SNX6: variants seen among roughly 807,000 people sequenced by gnomAD.
The protein encoded by SNX6 is sorting nexin 6.
Under a neutral mutation model 63.0 loss-of-function variants are expected in SNX6, and 34 were observed. The ratio of observed to expected loss-of-function variants is 0.54; its 90% CI spans 0.41 to 0.72. The LOEUF (loss-of-function observed/expected upper bound fraction) is 0.72, where lower values mean the gene tolerates loss of function less well. Among genes scored for constraint, SNX6 ranks in the 30% least tolerant of loss-of-function variants. The pLI, the probability that SNX6 is intolerant of heterozygous loss-of-function variation, is 0.00. For missense variants in SNX6, 398 were observed against 471.4 expected (o/e 0.84, Z 1.44); for synonymous variants, 170 against 164.2 (o/e 1.04, Z -0.27).
intron 11 of SNX6, chr14:34,568,731 G>T: frequency 1.1e-6 from 1 of 874,142 alleles, no homozygotes; most frequent in Non-Finnish European, 1.9e-6. Context: ...CAGCGATTCT[G>T]TCCAGATCTC....
chr14:34,591,798 T>G (rs1882403790), intron 8 of SNX6, among the ~76,000 whole-genome samples: 2 of 151,954 alleles, frequency 1.3e-5, no homozygotes, highest in African/African-American at 2.4e-5. Context: ...TTCCTCTAAT[T>G]TAAATAATTA....
chr14:34,603,242 T>C (rs1882893666), intron 6 of SNX6, 106 bp downstream of exon 6: 1 of 1,074,188 alleles, frequency 9.3e-7, no homozygotes. Flanking sequence ...CATGCCACTA[T>C]GCCACTGTAC....
At chr14:34,578,894 G>A (rs1339239349) in intron 10 of SNX6, among the ~76,000 whole-genome samples, 3 of 114,750 alleles carry the variant, frequency 2.6e-5, no homozygotes, top group East Asian at 3.1e-4. Context: ...AGCCAAGATC[G>A]CGCCACTGCA....
chr14:34,602,303 G>A (rs954790338), intron 6 of SNX6, among the ~76,000 whole-genome samples: 5 of 151,870 alleles, frequency 3.3e-5, no homozygotes, highest in African/African-American at 7.3e-5. Context: ...GCGCATTCCT[G>A]TAATCCCAGC....
intron 8 of SNX6, among the ~76,000 whole-genome samples, chr14:34,590,056 T>C (rs1004120706): frequency 6.6e-6 from 1 of 151,908 alleles, no homozygotes; most frequent in African/African-American, 2.4e-5. Flanking sequence ...CAGTGAGCCA[T>C]GTTTGCACCA....
chr14:34,571,448 C>CA (rs1881448988), intron 11 of SNX6, among the ~76,000 whole-genome samples: 1 of 151,768 alleles, frequency 6.6e-6, no homozygotes, highest in Non-Finnish European at 1.5e-5. Context: ...AAAACAACAA[C>CA]AAAAAACGGA....
intron 13 of SNX6, among the ~76,000 whole-genome samples, chr14:34,566,066 G>T (rs1255501123): frequency 6.6e-6 from 1 of 151,718 alleles, no homozygotes; most frequent in Non-Finnish European, 1.5e-5. Flanking sequence ...CAAGGGCTGG[G>T]ATTAAAGGCA....
chr14:34,608,037 C>A lies in SNX6; in HGVS notation c.263G>T (p.Gly88Val). 1 of 1,564,596 alleles carries A rather than the reference C, an allele frequency of 6.4e-7. No homozygotes were observed. The highest frequency in any genetic ancestry group is 8.8e-7 in the Non-Finnish European group (1 of 1,139,764). Residue 88 changes from glycine to valine, a missense_variant, in exon 4 of 14, where the codon GGT (glycine) becomes GTT (valine). Coordinates refer to ENST00000362031, the MANE Select transcript of SNX6 (RefSeq NM_152233.4). ...TGGAGTCTCAATACTTACGATATAA[C>A]CTGCATAGTCTTCATTTTCAACAAA... ...DSFVENEDYA[G>V]YIIPPAPPRP...
intron 13 of SNX6, among the ~76,000 whole-genome samples, 188 bp from the exon 14 acceptor site, chr14:34,563,363 C>G (rs1048759591): frequency 1.3e-5 from 2 of 151,904 alleles, no homozygotes; most frequent in Non-Finnish European, 2.9e-5. Context: ...TCGAGACCAT[C>G]CTGGCTAACA....
At chr14:34,596,584 A>G (rs1431252465) in intron 7 of SNX6, among the ~76,000 whole-genome samples, 2 of 148,364 alleles carry the variant, frequency 1.3e-5, no homozygotes, top group East Asian at 4.2e-4. Context: ...ATGCCACTGC[A>G]CTCCAGCCTG....
At chr14:34,603,959 A>T (rs1190845152) in intron 5 of SNX6, among the ~76,000 whole-genome samples, 3 of 151,682 alleles carry the variant, frequency 2.0e-5, no homozygotes, top group Non-Finnish European at 4.4e-5. Context: ...GAAGAAACTA[A>T]TTTTTTTTGC....
intron 9 of SNX6, among the ~76,000 whole-genome samples, chr14:34,585,608 A>G (rs1882119663): frequency 6.6e-6 from 1 of 152,064 alleles, no homozygotes; most frequent in Non-Finnish European, 1.5e-5. Context: ...TATTTCATAT[A>G]TATTTTTTGA....
chr14:34,624,199 C>G (rs1280029973), intron 2 of SNX6, among the ~76,000 whole-genome samples: 1 of 152,046 alleles, frequency 6.6e-6, no homozygotes, highest in Non-Finnish European at 1.5e-5. Context: ...CTCCTGGGTT[C>G]AAGTGATTTT....
chr14:34,588,921 G>A (rs1295863311), intron 8 of SNX6, among the ~76,000 whole-genome samples: 9 of 152,024 alleles, frequency 5.9e-5, no homozygotes, highest in African/African-American at 1.9e-4. Context: ...ATCACATGAG[G>A]TCAAGAGTTC....
At chr14:34,564,269 C>T (rs1407422967) in intron 13 of SNX6, among the ~76,000 whole-genome samples, 1 of 152,106 alleles carries the variant, frequency 6.6e-6, no homozygotes, top group Non-Finnish European at 1.5e-5. Flanking sequence ...CTCAGGTGAT[C>T]TGCCCGCCTT....
At position 34,563,086 on chromosome 14, in the gene SNX6, A is replaced by C. The variant is rs374678131; in HGVS notation, c.*36T>G. On this transcript the variant is annotated 3_prime_UTR_variant, in exon 14 of 14. Coordinates refer to ENST00000362031, the MANE Select transcript of SNX6 (RefSeq NM_152233.4). ...AGAAAACAAAAATAAAATTTGAAGG[A>C]AGGCAGCCCTTTTTAACAGGAAGGC... 231 of 1,598,512 alleles carry C rather than the reference A, an allele frequency of 1.4e-4. No homozygotes were observed. Among genetic ancestry groups the C allele is most frequent in the Non-Finnish European group, 1.9e-4 (224 of 1,168,890 alleles).
In SNX6 at chr14:34,562,464, G is replaced by A. The variant is rs1284447902; in HGVS notation, c.*658C>T. 1 of 152,622 alleles carries A rather than the reference G, an allele frequency of 6.6e-6. No homozygotes were observed. The highest frequency in any genetic ancestry group is 1.9e-4 in the East Asian group (1 of 5,202). 9.5% of individuals were successfully genotyped at this position (152,622 alleles called of 1,614,324 possible). A position where few individuals can be genotyped will look rare whatever the true frequency, so the allele number is the denominator to read the frequency against. On this transcript the variant is annotated 3_prime_UTR_variant, in exon 14 of 14. Coordinates refer to ENST00000362031, the MANE Select transcript of SNX6 (RefSeq NM_152233.4). ...TCCACATTTTCCAGAGTGATACAAT[G>A]ACCATAGAGTTAAAAACTATCACTG...
At chr14:34,583,864 T>TTTTTA (rs1882044480) in intron 9 of SNX6, among the ~76,000 whole-genome samples, 1 of 151,482 alleles carries the variant, frequency 6.6e-6, no homozygotes. Flanking sequence ...TTTTTTTTTT[T>TTTTTA]AAGACGGAGT....
At chr14:34,600,132 T>C (rs1882753039) in intron 6 of SNX6, among the ~76,000 whole-genome samples, 1 of 152,130 alleles carries the variant, frequency 6.6e-6, no homozygotes, top group Admixed American at 6.6e-5. Context: ...TTTAGTTTCT[T>C]TTCTCTTTTT....
Sources: allele counts gnomAD v4.1 joint callset (sites outside exome capture counted in the v4.1 genomes callset), GRCh38; gene constraint gnomAD v4.1.1; transcripts MANE v1.5; gene names NCBI Gene and HGNC (gene_info 2026-07-23, HGNC 2026-07-21).